The following TMEM185A variants were observed in gnomAD, a reference collection of about 807,000 sequenced individuals.
TMEM185A encodes the protein transmembrane protein 185A, also known as family with sequence similarity 11, member A.
Under a neutral mutation model 25.0 loss-of-function variants are expected in TMEM185A, and 9 were observed. The ratio of observed to expected loss-of-function variants is 0.36; its 90% CI spans 0.22 to 0.63. The LOEUF (loss-of-function observed/expected upper bound fraction) is 0.63, where lower values mean the gene tolerates loss of function less well. Ranked by LOEUF, TMEM185A falls within the 20% of genes least tolerant of loss-of-function variation. The probability of loss-of-function intolerance (pLI) is 0.68; values close to 1 mark genes in which losing one functional copy is unlikely to be tolerated. For synonymous variants in TMEM185A, 45 were observed against 93.5 expected (o/e 0.48, Z 2.99); for missense variants, 103 against 237.4 (o/e 0.43, Z 3.72).
intron 3 of TMEM185A, among the ~76,000 whole-genome samples, chrX:149,608,266 T>C (rs1557353843): frequency 8.9e-6 from 1 of 111,882 alleles, no homozygotes; most frequent in Non-Finnish European, 1.9e-5. Flanking sequence ...GATCAAGCTC[T>C]TCCTAACAAA....
Position 149,608,711 on chromosome X carries a change from G to A in TMEM185A, c.339C>T (p.Leu113=). ...DRIERGSHFW[L]LVFMPLFFVS... Reference sequence around the variant, plus strand: ...CAAAGAACAGCGGCATGAAGACCAGGAGCCAGAAATGGCTTCCTCTCTCGA... The same window carrying A: ...CAAAGAACAGCGGCATGAAGACCAGAAGCCAGAAATGGCTTCCTCTCTCGA... The change falls in exon 3 of 7, where the codon CTC becomes CTT. Residue 113 remains leucine, a synonymous_variant. Coordinates refer to ENST00000600449, the MANE Select transcript of TMEM185A (RefSeq NM_032508.4). 1 of 1,211,857 alleles carries A rather than the reference G, an allele frequency of 8.3e-7. No individual in the cohort carries two copies.
At chrX:149,620,075 G>A (rs782763486) in intron 1 of TMEM185A, among the ~76,000 whole-genome samples, 48 of 111,727 alleles carry the variant, frequency 4.3e-4, no homozygotes, top group African/African-American at 1.5e-3. Flanking sequence ...GGAAGTCAGT[G>A]TGGCGATTCC....
chrX:149,613,882 A>C (rs184427269), intron 1 of TMEM185A, among the ~76,000 whole-genome samples: 1 of 112,323 alleles, frequency 8.9e-6, no homozygotes, highest in African/African-American at 3.2e-5. Flanking sequence ...CATAATGATA[A>C]AGGGGTCAAT....
rs1230072279 is a variant in TMEM185A, at chrX:149,597,225, G to C, written c.*786C>G. ...CATGAAGGCGTGGCACCCCACGGGG[G>C]GGGGGGGAGTGTGCCACGGGCGTCC... On this transcript the variant is annotated 3_prime_UTR_variant, in exon 7 of 7. Coordinates refer to ENST00000600449, the MANE Select transcript of TMEM185A (RefSeq NM_032508.4). 12 of 82,227 alleles carry C rather than the reference G, an allele frequency of 1.5e-4. No individual in the cohort carries two copies. The highest frequency in any genetic ancestry group is 4.1e-4 in the African/African-American group (10 of 24,680). 6.8% of individuals were successfully genotyped at this position (82,227 alleles called of 1,213,427 possible). A position where few individuals can be genotyped will look rare whatever the true frequency, so the allele number is the denominator to read the frequency against.
chrX:149,612,833 C>CA (rs1403090324), intron 1 of TMEM185A, among the ~76,000 whole-genome samples: 2 of 112,041 alleles, frequency 1.8e-5, no homozygotes, highest in African/African-American at 6.5e-5. Context: ...TGCTTGCTGT[C>CA]ACGCAGCAGC....
chrX:149,608,414 T>C (rs782172820), intron 3 of TMEM185A: 25 of 349,845 alleles, frequency 7.1e-5, no homozygotes, highest in African/African-American at 6.7e-4. Flanking sequence ...CACTGCAACC[T>C]CCGCCTCCTG....
chrX:149,618,080 A>T (rs781963752), intron 1 of TMEM185A, among the ~76,000 whole-genome samples: 1 of 111,246 alleles, frequency 9.0e-6, no homozygotes, highest in Non-Finnish European at 1.9e-5. Flanking sequence ...AAACCATTTG[A>T]CTCCAAAATC....
At chrX:149,612,183 TAAG>T (rs1238099783) in intron 1 of TMEM185A, among the ~76,000 whole-genome samples, 3 of 111,890 alleles carry the variant, frequency 2.7e-5, no homozygotes, top group African/African-American at 9.8e-5. Flanking sequence ...CCCGCCTAAA[TAAG>T]AAGCTTGATA....
intron 1 of TMEM185A, among the ~76,000 whole-genome samples, chrX:149,626,714 T>C (rs2090164610): frequency 5.3e-5 from 6 of 112,269 alleles, no homozygotes; most frequent in Admixed American, 3.7e-4. Context: ...ATTTTTACTA[T>C]CTTAGCGAGG....
chrX:149,599,683 G>T lies in TMEM185A; in HGVS notation c.685-6C>A. 4.1e-6 allele frequency: 5 copies of T among 1,205,710 alleles called. No individual in the cohort carries two copies. The highest frequency in any genetic ancestry group is 5.6e-6 in the Non-Finnish European group (5 of 891,175). ...AGTTTGTGAACCAGCAGAATCTAAA[G>T]AAAGAGACATAGTCCCGGTTGATGC... is the stretch of plus-strand genomic sequence containing the variant. On this transcript the variant is annotated splice_polypyrimidine_tract_variant and splice_region_variant and intron_variant, in intron 5 of 6. Transcript: ENST00000600449.
At chrX:149,614,899 T>C (rs1260107756) in intron 1 of TMEM185A, among the ~76,000 whole-genome samples, 2 of 111,971 alleles carry the variant, frequency 1.8e-5, no homozygotes, top group Non-Finnish European at 3.8e-5. Context: ...CATGGCAAAA[T>C]CTACCAAACA....
Position 149,608,797 on chromosome X carries a change from A to G in TMEM185A, c.253T>C (p.Leu85=). Residue 85 remains leucine (L), a synonymous_variant, in exon 3 of 7, where the codon TTG becomes CTG. Coordinates refer to ENST00000600449, the MANE Select transcript of TMEM185A (RefSeq NM_032508.4). The stretch of plus-strand genomic sequence containing the variant: ...AGCAAGTGGATGCCCACTGCAATCA[A>G]CATGGCTTTAAACTCCACACACGTT... ...GETCVEFKAM[L]IAVGIHLLLL... 8.3e-7 allele frequency: 1 copy of G among 1,211,767 alleles called. No homozygotes were observed. Among genetic ancestry groups the G allele is most frequent in the Non-Finnish European group, 1.1e-6 (1 of 895,431 alleles).
intron 4 of TMEM185A, chrX:149,603,563 A>C (rs1279944047): frequency 1.7e-5 from 2 of 114,500 alleles, no homozygotes; most frequent in African/African-American, 6.5e-5. Flanking sequence ...AAAGGCAAAA[A>C]TTTTAATGCA....
At chrX:149,612,138 A>G (rs2124216169) in intron 1 of TMEM185A, among the ~76,000 whole-genome samples, 1 of 112,421 alleles carries the variant, frequency 8.9e-6, no homozygotes, top group East Asian at 2.8e-4. Flanking sequence ...CTCTATTTCC[A>G]GCCTTGACTT....
chrX:149,605,278 CCCA>C (rs2090041431), intron 3 of TMEM185A: 1 of 101,708 alleles, frequency 9.8e-6, no homozygotes, highest in African/African-American at 4.2e-5. Flanking sequence ...TCTATAGCCT[CCCA>C]TGTCACTTTC....
intron 3 of TMEM185A, among the ~76,000 whole-genome samples, chrX:149,607,333 T>A (rs1276231559): frequency 8.9e-6 from 1 of 112,287 alleles, no homozygotes; most frequent in Non-Finnish European, 1.9e-5. Flanking sequence ...AGTTCTCCCC[T>A]CAACCCATCA....
chrX:149,620,521 C>A (rs2090134734), intron 1 of TMEM185A, among the ~76,000 whole-genome samples: 1 of 111,838 alleles, frequency 8.9e-6, no homozygotes, highest in Non-Finnish European at 1.9e-5. Context: ...GCAAGTCCAG[C>A]ACGTGGTGGT....
intron 3 of TMEM185A, 111 bp from the exon 4 acceptor site, chrX:149,604,181 TATA>T (rs2090032847): frequency 6.2e-6 from 3 of 486,857 alleles, no homozygotes; most frequent in Admixed American, 7.3e-5. Context: ...GTGTAACTTG[TATA>T]ATATTATATT....
chrX:149,631,569 C>T lies in TMEM185A; in HGVS notation c.12G>A (p.Arg4=), dbSNP rs113119106. 7.5e-3 allele frequency: 8,716 copies of T among 1,169,345 alleles called. 45 individuals carry two copies. The highest frequency in any genetic ancestry group is 0.018 in the Middle Eastern group (77 of 4,245). MNL[R]GLFQDFNPSK... is the part of the protein sequence containing the mutation. ...TCGGGTTGAAGTCCTGGAAGAGGCCCCTCAGGTTCATGGCGGAGAACTTCA... is the reference window on the plus strand; with the variant it reads ...TCGGGTTGAAGTCCTGGAAGAGGCCTCTCAGGTTCATGGCGGAGAACTTCA... Residue 4 remains arginine (R), a synonymous_variant, in exon 1 of 7, where the codon AGG becomes AGA. Transcript: ENST00000600449.
Sources: allele counts gnomAD v4.1 joint callset (sites outside exome capture counted in the v4.1 genomes callset), GRCh38; gene constraint gnomAD v4.1.1; transcripts MANE v1.5; gene names NCBI Gene and HGNC (gene_info 2026-07-23, HGNC 2026-07-21).